The following TUSC3 variants were observed in gnomAD, a reference collection of about 807,000 sequenced individuals.
The protein encoded by TUSC3 is dolichyl-diphosphooligosaccharide--protein glycosyltransferase subunit TUSC3.
TUSC3 carries 45 observed loss-of-function variants against 44.8 expected under a neutral mutation model. The observed-to-expected ratio is 1.00, with a 90% confidence interval of 0.79 to 1.29. The LOEUF (loss-of-function observed/expected upper bound fraction) is 1.29, where lower values mean the gene tolerates loss of function less well. Among genes scored for constraint, TUSC3 ranks in the 50% most tolerant of loss-of-function variants. The pLI is 0.00. For missense variants in TUSC3, 519 were observed against 437.9 expected (o/e 1.19, Z -1.65); for synonymous variants, 212 against 152.9 (o/e 1.39, Z -2.85).
chr8:15,597,489 T>C (rs1223369759), intron 1 of TUSC3, among the ~76,000 whole-genome samples: 1 of 152,172 alleles, frequency 6.6e-6, no homozygotes, highest in African/African-American at 2.4e-5. Flanking sequence ...CTTTAAATTA[T>C]TGCCTTTGGC....
chr8:15,451,216 T>G (rs1800194101), intron 1 of TUSC3, among the ~76,000 whole-genome samples: 1 of 152,186 alleles, frequency 6.6e-6, no homozygotes, highest in South Asian at 2.1e-4. Context: ...TAATGTTACT[T>G]ATATCTATAT....
At chr8:15,552,852 G>A (rs1211116631) in intron 1 of TUSC3, among the ~76,000 whole-genome samples, 4 of 151,648 alleles carry the variant, frequency 2.6e-5, no homozygotes, top group Admixed American at 2.0e-4. Context: ...GCTTAGGTGG[G>A]GATGCAAGAC....
chr8:15,582,264 G>A (rs968323651), intron 1 of TUSC3, among the ~76,000 whole-genome samples: 4 of 152,134 alleles, frequency 2.6e-5, no homozygotes, highest in South Asian at 2.1e-4. Flanking sequence ...GAAATCACCC[G>A]TCTTCTGGGT....
intron 2 of TUSC3, among the ~76,000 whole-genome samples, chr8:15,505,657 C>T (rs1801042115): frequency 6.6e-6 from 1 of 152,168 alleles, no homozygotes; most frequent in African/African-American, 2.4e-5. Flanking sequence ...TTCAGCAGGT[C>T]TGAAGTGGGG....
At chr8:15,636,984 CA>C (rs775872343) in intron 2 of TUSC3, among the ~76,000 whole-genome samples, 21 of 152,020 alleles carry the variant, frequency 1.4e-4, no homozygotes, top group Non-Finnish European at 2.8e-4. Context: ...CCTTGTGGGC[CA>C]AAGTATATTT....
At chr8:15,737,125 A>C (rs1043330411) in intron 7 of TUSC3, among the ~76,000 whole-genome samples, 1 of 152,136 alleles carries the variant, frequency 6.6e-6, no homozygotes, top group South Asian at 2.1e-4. Flanking sequence ...CTAGTCTATT[A>C]TAGAGAGCAA....
At chr8:15,687,298 G>A (rs1290458004) in intron 6 of TUSC3, among the ~76,000 whole-genome samples, 2 of 151,934 alleles carry the variant, frequency 1.3e-5, no homozygotes, top group Non-Finnish European at 2.9e-5. Flanking sequence ...ATATGATATC[G>A]GTTAGCCTCA....
At chr8:15,627,556 G>C (rs56067549) in intron 2 of TUSC3, among the ~76,000 whole-genome samples, 130 of 152,324 alleles carry the variant, frequency 8.5e-4, no homozygotes, top group African/African-American at 3.0e-3. Flanking sequence ...GAGAAGAAGA[G>C]AATAGCTGTG....
In TUSC3 at chr8:15,462,989, C is replaced by T. The variant is rs189797357; in HGVS notation, n.92-20397C>T. On this transcript the variant is annotated intron_variant and non_coding_transcript_variant, in intron 1 of 5. Transcript: ENST00000503191. The stretch of plus-strand genomic sequence containing the variant: ...ATGTATTTGGGCAATGGCTTCAATT[C>T]TTTATTTTGTTCTCTTCTCTTTATT... 3.5e-4 allele frequency among the ~76,000 whole-genome samples: 53 copies of T among 152,020 alleles called. 1 individual carries two copies. Among genetic ancestry groups the T allele is most frequent in the African/African-American group, 1.3e-3 (52 of 41,518 alleles).
chr8:15,566,873 T>C (rs1802698626), intron 1 of TUSC3, among the ~76,000 whole-genome samples: 6 of 152,130 alleles, frequency 3.9e-5, no homozygotes, highest in Admixed American at 3.3e-4. Flanking sequence ...GATCCAGTTA[T>C]CCTGCGGCTT....
At chr8:15,606,149 A>G (rs1404673032) in intron 1 of TUSC3, among the ~76,000 whole-genome samples, 1 of 152,052 alleles carries the variant, frequency 6.6e-6, no homozygotes, top group East Asian at 1.9e-4. Context: ...GAAAAAGTTG[A>G]GTTGCTTGAT....
chr8:15,706,670 G>A (rs1199880905), intron 6 of TUSC3, among the ~76,000 whole-genome samples: 2 of 151,898 alleles, frequency 1.3e-5, no homozygotes, highest in African/African-American at 2.4e-5. Flanking sequence ...GTTAATATAC[G>A]AATAAATATT....
At chr8:15,733,342 C>A in intron 7 of TUSC3, 1 of 389,702 alleles carries the variant, frequency 2.6e-6, no homozygotes, top group Non-Finnish European at 4.9e-6. Context: ...AATATTATAG[C>A]TTCTTTTTGT....
chr8:15,740,247 C>CCTGA (rs1200872729), intron 7 of TUSC3, among the ~76,000 whole-genome samples: 2 of 151,966 alleles, frequency 1.3e-5, no homozygotes, highest in Middle Eastern at 3.2e-3. Context: ...CTCCTTATTA[C>CCTGA]CTGACTTGCT....
At chr8:15,757,646 C>A in intron 9 of TUSC3, 145 bp from the exon 10 acceptor site, 2 of 1,025,682 alleles carry the variant, frequency 1.9e-6, no homozygotes, top group South Asian at 1.4e-5. Context: ...AGCTGGCATT[C>A]TGTAAAGGCA....
At chr8:15,627,805 A>G (rs1191491543) in intron 2 of TUSC3, among the ~76,000 whole-genome samples, 1 of 152,226 alleles carries the variant, frequency 6.6e-6, no homozygotes, top group Non-Finnish European at 1.5e-5. Flanking sequence ...GCCAGACCCC[A>G]TGCTCACTCA....
chr8:15,606,923 G>C (rs1804553824), intron 1 of TUSC3, among the ~76,000 whole-genome samples: 1 of 151,984 alleles, frequency 6.6e-6, no homozygotes, highest in Non-Finnish European at 1.5e-5. Flanking sequence ...AACATTGTGT[G>C]TGTGTGTGTG....
chr8:15,427,075 G>GTTTTTTT (rs367932724), intron 1 of TUSC3, among the ~76,000 whole-genome samples: 18 of 145,946 alleles, frequency 1.2e-4, no homozygotes, highest in Non-Finnish European at 2.0e-4. Context: ...GTTGTTTGGT[G>GTTTTTTT]TTTGTTTTTT....
the TUSC3 span, among the ~76,000 whole-genome samples, chr8:15,820,979 T>A: frequency 1.3e-5 from 2 of 152,342 alleles, no homozygotes; most frequent in Admixed American, 1.3e-4. Flanking sequence ...TTGCCACTTT[T>A]GTTACTCTTA....
Sources: allele counts gnomAD v4.1 joint callset (sites outside exome capture counted in the v4.1 genomes callset), GRCh38; gene constraint gnomAD v4.1.1; transcripts MANE v1.5; gene names NCBI Gene and HGNC (gene_info 2026-07-23, HGNC 2026-07-21).